The following NR3C1 variants were observed in gnomAD, a reference collection of about 807,000 sequenced individuals.
The protein encoded by NR3C1 is nuclear receptor subfamily 3 group C member 1.
A neutral mutation model predicts 74.0 loss-of-function variants in NR3C1; 14 were observed. The ratio of observed to expected loss-of-function variants is 0.19; its 90% CI spans 0.12 to 0.30. NR3C1 has a LOEUF of 0.30. NR3C1 is among the 10% of genes least tolerant of loss of function. The probability of loss-of-function intolerance (pLI) is 1.00; values close to 1 mark genes in which losing one functional copy is unlikely to be tolerated. For missense variants in NR3C1, 695 were observed against 909.8 expected (o/e 0.76, Z 3.04); for synonymous variants, 308 against 332.5 (o/e 0.93, Z 0.80).
rs185370931 is a variant in NR3C1, at chr5:143,323,600, C to T, written c.1185-9432G>A. Among the ~76,000 whole-genome samples the T allele has an allele frequency of 6.6e-5, 10 of 152,308 alleles. No homozygotes were observed. The East Asian group carries it at 1.9e-3, about 29-fold the overall frequency. ...GGCCCCTCCAAATCTCATGTCCTCA[C>T]ATTTCAAAACCAATCATGCCTTCCC... On this transcript the variant is annotated intron_variant, in intron 2 of 8. Transcript: ENST00000394464.
Position 143,282,019 on chromosome 5 carries a change from T to C in NR3C1, c.2204A>G (p.Tyr735Cys), listed in dbSNP as rs780355678. The change falls in exon 9 of 9, where the codon TAT becomes TGT. Residue 735 changes from tyrosine to cysteine, a missense_variant. By Grantham distance (194) the Tyr-to-Cys change is radical. Coordinates refer to ENST00000394464, the MANE Select transcript of NR3C1 (RefSeq NM_000176.3). Reference protein sequence around the residue: ...MHEVVENLLNYCFQTFLDKTM... With the variant: ...MHEVVENLLNCCFQTFLDKTM... The stretch of plus-strand genomic sequence containing the variant: ...CTTATCCAAAAATGTTTGGAAGCAA[T>C]AGTTAAGGAGATTTTCAACCACCTG... 1 of 1,613,596 alleles carries C rather than the reference T, an allele frequency of 6.2e-7. No homozygotes were observed. Among genetic ancestry groups the C allele is most frequent in the Non-Finnish European group, 8.5e-7 (1 of 1,179,720 alleles).
chr5:143,350,009 G>A (rs914605689), intron 2 of NR3C1, among the ~76,000 whole-genome samples: 1 of 152,114 alleles, frequency 6.6e-6, no homozygotes, highest in African/African-American at 2.4e-5. Flanking sequence ...GTGAGGTGAA[G>A]TATAGGGAAC....
At chr5:143,384,269 G>C (rs1836777615) in intron 2 of NR3C1, among the ~76,000 whole-genome samples, 1 of 152,154 alleles carries the variant, frequency 6.6e-6, no homozygotes, top group Admixed American at 6.5e-5. Flanking sequence ...GGGATTACAA[G>C]TGATTGAGAT....
intron 2 of NR3C1, among the ~76,000 whole-genome samples, chr5:143,387,712 AT>A (rs1837501111): frequency 2.0e-5 from 3 of 152,208 alleles, no homozygotes; most frequent in Non-Finnish European, 4.4e-5. Context: ...GAACTCTCCT[AT>A]AACTCTTAGT....
chr5:143,426,666 G>A (rs1176351205), intron 1 of NR3C1, among the ~76,000 whole-genome samples: 1 of 152,232 alleles, frequency 6.6e-6, no homozygotes, highest in East Asian at 1.9e-4. Context: ...TAATTCATCT[G>A]CTCAGCAAAG....
In NR3C1 at chr5:143,279,243, GA is replaced by G; in HGVS notation, c.*2645del. Reference sequence around the variant, plus strand: ...GGCACAGCTTCTTTTCCCATTTAATGAAAAGCCTCCTATAGTTGTCGATGAG... The same window carrying G: ...GGCACAGCTTCTTTTCCCATTTAATGAAAGCCTCCTATAGTTGTCGATGAG... On this transcript the variant is annotated 3_prime_UTR_variant, in exon 9 of 9. Coordinates refer to ENST00000394464, the MANE Select transcript of NR3C1 (RefSeq NM_000176.3). 8.7e-7 allele frequency: 1 copy of G among 1,153,388 alleles called. No homozygotes were observed. The allele number at this position is 1,153,388 out of a possible 1,614,324, so 71.4% of individuals were successfully genotyped here. A position where few individuals can be genotyped will look rare whatever the true frequency, so the allele number is the denominator to read the frequency against.
intron 2 of NR3C1, among the ~76,000 whole-genome samples, chr5:143,393,424 T>C (rs1312587540): frequency 6.6e-6 from 1 of 152,174 alleles, no homozygotes; most frequent in Non-Finnish European, 1.5e-5. Flanking sequence ...AAGTACCTAG[T>C]TGGAGGCCAT....
At chr5:143,396,053 T>C (rs1003813624) in intron 2 of NR3C1, among the ~76,000 whole-genome samples, 3 of 151,764 alleles carry the variant, frequency 2.0e-5, no homozygotes, top group Non-Finnish European at 4.4e-5. Flanking sequence ...GTAACACAAA[T>C]AGACAAGACC....
At position 143,295,846 on chromosome 5, in the gene NR3C1, ATTATT is replaced by A. The variant is rs1180534248; in HGVS notation, c.1893-261_1893-257del. 3.9e-5 allele frequency among the ~76,000 whole-genome samples: 6 copies of A among 152,290 alleles called. No individual in the cohort carries two copies. In the East Asian group the frequency reaches 9.6e-4, roughly 24 times the overall value. On this transcript the variant is annotated intron_variant, in intron 6 of 8. Transcript: ENST00000394464. ...TTATTTTCTATCATGCATGCCATGT[ATTATT>A]TTATTATTTAATTAAAGTGTTAGAA...
chr5:143,378,206 G>GC (rs1835562265), intron 2 of NR3C1, among the ~76,000 whole-genome samples: 1 of 152,152 alleles, frequency 6.6e-6, no homozygotes, highest in South Asian at 2.1e-4. Context: ...ATCCAAGTTT[G>GC]CCCCATTGCA....
At chr5:143,323,103 GA>G (rs1353605331) in intron 2 of NR3C1, among the ~76,000 whole-genome samples, 1 of 152,190 alleles carries the variant, frequency 6.6e-6, no homozygotes, top group Non-Finnish European at 1.5e-5. Context: ...GTGCAATTCT[GA>G]GTAATGAAAT....
intron 2 of NR3C1, among the ~76,000 whole-genome samples, chr5:143,323,253 A>G (rs1823759734): frequency 6.6e-6 from 1 of 152,186 alleles, no homozygotes; most frequent in Admixed American, 6.5e-5. Flanking sequence ...ACTGGGAAGA[A>G]AAAGAGGTTT....
At chr5:143,284,893 A>C (rs573533159) in intron 7 of NR3C1, among the ~76,000 whole-genome samples, 1 of 152,278 alleles carries the variant, frequency 6.6e-6, no homozygotes, top group South Asian at 2.1e-4. Context: ...CCCAGGGTCT[A>C]GCAATCTTGC....
chr5:143,347,649 T>C (rs1229461652), intron 2 of NR3C1, among the ~76,000 whole-genome samples: 1 of 152,166 alleles, frequency 6.6e-6, no homozygotes, highest in Non-Finnish European at 1.5e-5. Context: ...CCTACTTCCT[T>C]CCCCAGTAAA....
chr5:143,429,911 C>T (rs1325248256), intron 1 of NR3C1, among the ~76,000 whole-genome samples: 1 of 151,890 alleles, frequency 6.6e-6, no homozygotes, highest in East Asian at 1.9e-4. Flanking sequence ...GAAACCCCAT[C>T]TCTACTAAAA....
intron 2 of NR3C1, among the ~76,000 whole-genome samples, chr5:143,349,097 A>G (rs186878429): frequency 1.3e-5 from 2 of 152,254 alleles, no homozygotes; most frequent in East Asian, 3.9e-4. Flanking sequence ...GTTCCTGAGA[A>G]AGGATGAGGG....
Position 143,281,940 on chromosome 5 carries a change from T to A in NR3C1, c.2283A>T (p.Ile761=), listed in dbSNP as rs1187789717. 1.2e-6 allele frequency: 2 copies of A among 1,613,426 alleles called. No individual in the cohort carries two copies. Among genetic ancestry groups the A allele is most frequent in the Non-Finnish European group, 1.7e-6 (2 of 1,179,636 alleles). The change falls in exon 9 of 9, where the codon ATA becomes ATT. Residue 761 remains isoleucine, a synonymous_variant. Transcript: ENST00000394464. ...EMLAEIITNQ[I]PKYSNGNIKK... is the part of the protein sequence containing the mutation. ...TGATATTTCCATTTGAATATTTTGG[T>A]ATCTGATTGGTGATGATTTCAGCTA...
chr5:143,296,620 A>G (rs931283960), intron 6 of NR3C1, among the ~76,000 whole-genome samples: 5 of 111,626 alleles, frequency 4.5e-5, no homozygotes, highest in Admixed American at 3.9e-4. Context: ...CTGTAAAAAC[A>G]ACAACAATTT....
chr5:143,295,282 A>G (rs982537387), intron 7 of NR3C1, 178 bp downstream of exon 7: 7 of 985,194 alleles, frequency 7.1e-6, no homozygotes, highest in Middle Eastern at 5.2e-4. Flanking sequence ...TTGTCTTATT[A>G]ATCTTGGTGT....
Sources: gnomAD v4.1 joint callset for allele counts (sites outside exome capture counted in the v4.1 genomes callset) on GRCh38, gnomAD v4.1.1 for gene constraint, MANE v1.5 for transcripts, NCBI Gene and HGNC (gene_info 2026-07-23, HGNC 2026-07-21) for gene names.